Variants in SORCS1 observed in about 807,000 individuals in gnomAD.
The protein encoded by SORCS1 is sortilin related VPS10 domain containing receptor 1.
SORCS1 carries 60 observed loss-of-function variants against 146.1 expected under a neutral mutation model. That is an observed-to-expected ratio of 0.41 (90% CI 0.33 to 0.51). The LOEUF is 0.51. Ranked by LOEUF, SORCS1 falls within the 20% of genes least tolerant of loss-of-function variation. The pLI, the probability that SORCS1 is intolerant of heterozygous loss-of-function variation, is 0.21. For missense variants in SORCS1, 1,352 were observed against 1,487.6 expected, an observed-to-expected ratio of 0.91 and a Z score of 1.50; for synonymous variants, 637 against 584.0, an observed-to-expected ratio of 1.09 and a Z score of -1.31.
intron 13 of SORCS1, among the ~76,000 whole-genome samples, chr10:106,676,357 A>T (rs2135526591): frequency 6.6e-6 from 1 of 152,356 alleles, no homozygotes; most frequent in Non-Finnish European, 1.5e-5. Flanking sequence ...ATAAGAAAGC[A>T]AGATCAGGAG....
At chr10:107,092,883 GAAAAAAAAAAAA>G (rs34184443) in intron 1 of SORCS1, among the ~76,000 whole-genome samples, 2 of 61,516 alleles carry the variant, frequency 3.3e-5, no homozygotes, top group African/African-American at 6.2e-5. Flanking sequence ...AGAAGACCAT[GAAAAAAAAAAAA>G]AAAAAAAAAA....
Position 106,745,359 on chromosome 10 carries a change from G to A in SORCS1, c.960-15245C>T, listed in dbSNP as rs569498553. 8.7e-4 allele frequency among the ~76,000 whole-genome samples: 132 copies of A among 151,478 alleles called. 2 individuals carry two copies. The highest frequency in any genetic ancestry group is 3.1e-3 in the African/African-American group (126 of 41,268). ...CTGGGAGGTGGAGCTTGCAATAAGC[G>A]GAGATTGTGCCACCACACTCCAGCC... On this transcript the variant is annotated intron_variant, in intron 5 of 25. Transcript: ENST00000263054.
At chr10:106,795,970 A>C (rs888487280) in intron 3 of SORCS1, among the ~76,000 whole-genome samples, 1 of 152,280 alleles carries the variant, frequency 6.6e-6, no homozygotes, top group Admixed American at 6.5e-5. Context: ...TTCAAACATC[A>C]TGTGGTTTTT....
intron 1 of SORCS1, among the ~76,000 whole-genome samples, chr10:107,136,249 C>T (rs888990263): frequency 2.0e-5 from 3 of 152,240 alleles, no homozygotes; most frequent in Non-Finnish European, 4.4e-5. Context: ...ACAGGAGTGA[C>T]TCTGGAACCC....
chr10:106,677,917 A>G (rs1852156832), intron 12 of SORCS1, among the ~76,000 whole-genome samples: 1 of 152,164 alleles, frequency 6.6e-6, no homozygotes, highest in Non-Finnish European at 1.5e-5. Context: ...GAAGTTTCCA[A>G]CTGTTATCAA....
chr10:106,835,912 G>T (rs1387482740), intron 2 of SORCS1, among the ~76,000 whole-genome samples: 1 of 151,988 alleles, frequency 6.6e-6, no homozygotes, highest in African/African-American at 2.4e-5. Flanking sequence ...GGCTGAGGCA[G>T]GAGAATCGCT....
chr10:107,084,085 G>GTTTTTTGTTTGTTTTTTTTTTTTTT (rs1565018663), intron 1 of SORCS1, among the ~76,000 whole-genome samples: 1 of 124,328 alleles, frequency 8.0e-6, no homozygotes, highest in Non-Finnish European at 1.7e-5. Context: ...TATTTTTGTT[G>GTTTTTTGTTTGTTTTTTTTTTTTTT]TTTTTTGTTT....
chr10:106,839,638 G>C (rs1948934815), intron 2 of SORCS1, among the ~76,000 whole-genome samples: 1 of 152,204 alleles, frequency 6.6e-6, no homozygotes, highest in African/African-American at 2.4e-5. Context: ...GTTCAATGTA[G>C]AGGAAACAAC....
chr10:106,684,827 AAAG>A (rs1331784558), intron 10 of SORCS1, among the ~76,000 whole-genome samples: 2 of 152,190 alleles, frequency 1.3e-5, no homozygotes, highest in African/African-American at 4.8e-5. Flanking sequence ...TCCCAAGCCT[AAAG>A]AAGGTTTTTA....
intron 2 of SORCS1, among the ~76,000 whole-genome samples, chr10:106,929,382 A>G (rs193233724): frequency 3.9e-5 from 6 of 152,338 alleles, no homozygotes; most frequent in African/African-American, 1.4e-4. Flanking sequence ...GACCTGGGGT[A>G]TCAGAATTAA....
rs538525338 is a variant in SORCS1, at chr10:107,051,640, A to C, written c.559-95060T>G. On this transcript the variant is annotated intron_variant, in intron 1 of 25. Transcript: ENST00000263054. The stretch of plus-strand genomic sequence containing the variant: ...CTGGAGATTCATGGACTCTTGTCAG[A>C]GTGGTAGAATGATTTTTAGTGTTAT... Among the ~76,000 whole-genome samples the C allele has an allele frequency of 2.0e-5, 3 of 152,250 alleles. No homozygotes were observed. The East Asian group carries it at 5.8e-4, about 29-fold the overall frequency.
chr10:107,176,357 G>A, the SORCS1 span, among the ~76,000 whole-genome samples: 3 of 136,342 alleles, frequency 2.2e-5, no homozygotes, highest in African/African-American at 8.3e-5. Flanking sequence ...TTTTTGAAAC[G>A]GGCTTTCCTG....
At chr10:106,926,828 TACACACACACACAC>T (rs869163147) in intron 2 of SORCS1, among the ~76,000 whole-genome samples, 42 of 29,582 alleles carry the variant, frequency 1.4e-3, no homozygotes, top group Non-Finnish European at 8.6e-4. Flanking sequence ...GGAATATATA[TACACACACACACAC>T]ACACACACAC....
At chr10:107,019,667 C>T (rs1462925096) in intron 1 of SORCS1, among the ~76,000 whole-genome samples, 2 of 152,186 alleles carry the variant, frequency 1.3e-5, no homozygotes, top group African/African-American at 2.4e-5. Context: ...AAATGCCATT[C>T]AATCAAAAGG....
chr10:107,128,224 A>G (rs1055072730), intron 1 of SORCS1, among the ~76,000 whole-genome samples: 1 of 152,200 alleles, frequency 6.6e-6, no homozygotes, highest in African/African-American at 2.4e-5. Context: ...CTTCTTCCAG[A>G]AAAAAATAAA....
intron 1 of SORCS1, among the ~76,000 whole-genome samples, chr10:107,025,308 A>T (rs1310928723): frequency 6.6e-6 from 1 of 152,256 alleles, no homozygotes; most frequent in Non-Finnish European, 1.5e-5. Flanking sequence ...GTCTGAAAGA[A>T]GGAATCAACC....
chr10:107,091,942 G>T (rs767590556), intron 1 of SORCS1, among the ~76,000 whole-genome samples: 1 of 152,122 alleles, frequency 6.6e-6, no homozygotes, highest in Non-Finnish European at 1.5e-5. Flanking sequence ...CCTACATAAT[G>T]CCATCAGAGT....
At position 106,607,289 on chromosome 10, in the gene SORCS1, C is replaced by T; in HGVS notation, c.3042G>A (p.Gly1014=). The T allele has an allele frequency of 6.2e-7, 1 of 1,613,964 alleles. No individual in the cohort carries two copies. The highest frequency in any genetic ancestry group is 1.1e-5 in the South Asian group (1 of 91,062). The change falls in exon 23 of 26, where the codon GGG becomes GGA. Residue 1014 remains glycine, a synonymous_variant. Coordinates refer to ENST00000263054, the MANE Select transcript of SORCS1 (RefSeq NM_052918.5). Reference sequence around the variant, plus strand: ...CCACCAGGATGTGCTGGCCTGGAACCCCTGTGGCCTGAGGGACAGACACAG... The same window carrying T: ...CCACCAGGATGTGCTGGCCTGGAACTCCTGTGGCCTGAGGGACAGACACAG... The part of the protein sequence containing the change: ...VIKKSLVEAT[G]VPGQHILVAV...
At chr10:106,742,820 G>C (rs1467090464) in intron 5 of SORCS1, among the ~76,000 whole-genome samples, 1 of 152,158 alleles carries the variant, frequency 6.6e-6, no homozygotes, top group Non-Finnish European at 1.5e-5. Flanking sequence ...TCAGATTTTG[G>C]AGCATTTATG....
Sources: gnomAD v4.1 joint callset for allele counts (sites outside exome capture counted in the v4.1 genomes callset) on GRCh38, gnomAD v4.1.1 for gene constraint, MANE v1.5 for transcripts, NCBI Gene and HGNC (gene_info 2026-07-23, HGNC 2026-07-21) for gene names.